Variants in CDH4 observed in about 807,000 individuals in gnomAD.
The protein encoded by CDH4 is cadherin-4.
CDH4 carries 33 observed loss-of-function variants against 86.0 expected under a neutral mutation model. The ratio of observed to expected loss-of-function variants is 0.38; its 90% CI spans 0.29 to 0.51. The LOEUF (loss-of-function observed/expected upper bound fraction) is 0.51, where lower values mean the gene tolerates loss of function less well. Ranked by LOEUF, CDH4 falls within the 20% of genes least tolerant of loss-of-function variation. The probability of loss-of-function intolerance (pLI) is 0.86; values close to 1 mark genes in which losing one functional copy is unlikely to be tolerated. For missense variants in CDH4, 1,114 were observed against 1,307.4 expected (o/e 0.85, Z 2.28); for synonymous variants, 555 against 549.4 (o/e 1.01, Z -0.14).
At chr20:61,904,509 C>A (rs2054766944) in intron 8 of CDH4, among the ~76,000 whole-genome samples, 1 of 151,500 alleles carries the variant, frequency 6.6e-6, no homozygotes. Flanking sequence ...TGCACCGTGT[C>A]CCCCTGGTCT....
At chr20:61,433,219 G>T (rs751279558) in intron 2 of CDH4, among the ~76,000 whole-genome samples, 1 of 152,072 alleles carries the variant, frequency 6.6e-6, no homozygotes, top group Non-Finnish European at 1.5e-5. Context: ...TTTCCGTATG[G>T]TTATCCAATT....
At chr20:61,471,150 A>G (rs1424695862) in intron 2 of CDH4, among the ~76,000 whole-genome samples, 1 of 152,066 alleles carries the variant, frequency 6.6e-6, no homozygotes, top group African/African-American at 2.4e-5. Flanking sequence ...TTCAGCAGTG[A>G]AGCCAGTGGG....
intron 4 of CDH4, among the ~76,000 whole-genome samples, chr20:61,809,538 C>T (rs1980320851): frequency 6.6e-6 from 1 of 152,186 alleles, no homozygotes; most frequent in Admixed American, 6.5e-5. Flanking sequence ...ACATACTCGA[C>T]ACGGGACTAA....
chr20:61,554,409 G>A lies in CDH4; in HGVS notation c.170-189154G>A, dbSNP rs530454767. On this transcript the variant is annotated intron_variant, in intron 2 of 15. Coordinates refer to ENST00000614565, the MANE Select transcript of CDH4 (RefSeq NM_001794.5). ...AGGGCTGCCCTTGAAACATTATGTC[G>A]CCACTGACCAGGACCCAAGAGTCCA... 5.0e-4 allele frequency among the ~76,000 whole-genome samples: 76 copies of A among 152,294 alleles called. 1 individual carries two copies. In the South Asian group the frequency reaches 0.01, roughly 20 times the overall value.
chr20:61,852,896 C>T lies in CDH4; in HGVS notation c.875C>T (p.Pro292Leu), dbSNP rs542841153. The change falls in exon 6 of 16, where the codon CCA (proline) becomes CTA (leucine). Residue 292 changes from proline to leucine, a missense_variant and splice_region_variant. Transcript: ENST00000614565. Reference sequence around the variant, plus strand: ...GGCTCCGTGGACGAGGGCTCCAAGCCAGGTGAGGCCTTTAGCGTTTGCTTG... The same window carrying T: ...GGCTCCGTGGACGAGGGCTCCAAGCTAGGTGAGGCCTTTAGCGTTTGCTTG... Reference protein sequence around the residue: ...YNGSVDEGSKPGTYVMTVTAN... With the variant: ...YNGSVDEGSKLGTYVMTVTAN... 2.5e-5 allele frequency: 41 copies of T among 1,613,782 alleles called. No homozygotes were observed. The South Asian group carries it at 4.2e-4, about 16-fold the overall frequency.
chr20:61,379,430 T>C (rs1568820619), intron 2 of CDH4, among the ~76,000 whole-genome samples: 1 of 152,022 alleles, frequency 6.6e-6, no homozygotes, highest in Admixed American at 6.5e-5. Flanking sequence ...GATGGAATAG[T>C]TAGAGCCGTG....
intron 2 of CDH4, among the ~76,000 whole-genome samples, chr20:61,580,965 G>A (rs139926257): frequency 2.0e-4 from 31 of 152,292 alleles, no homozygotes; most frequent in South Asian, 1.2e-3. Flanking sequence ...AAGAGAGTCC[G>A]TCCTGAAGCA....
intron 14 of CDH4, 51 bp from the exon 15 acceptor site, chr20:61,934,005 G>A (rs1336591741): frequency 6.3e-7 from 1 of 1,597,632 alleles, no homozygotes. Flanking sequence ...GTGGAAGGGG[G>A]GCTGGCGGAT....
intron 2 of CDH4, among the ~76,000 whole-genome samples, chr20:61,633,111 C>T (rs534287412): frequency 2.0e-5 from 3 of 151,156 alleles, no homozygotes; most frequent in South Asian, 2.1e-4. Flanking sequence ...TCCATCCATC[C>T]GTCCATTCAC....
At position 61,873,738 on chromosome 20, in the gene CDH4, G is replaced by A. The variant is rs1192241000; in HGVS notation, c.888G>A (p.Val296=). The A allele has an allele frequency of 2.5e-6, 4 of 1,613,252 alleles. No individual in the cohort carries two copies. The East Asian group carries it at 8.9e-5, about 36-fold the overall frequency. The change falls in exon 7 of 16, where the codon GTG becomes GTA. Residue 296 remains valine (V), a synonymous_variant. Coordinates refer to ENST00000614565, the MANE Select transcript of CDH4 (RefSeq NM_001794.5). ...VDEGSKPGTY[V]MTVTANDADD... ...CTGTCTCCGTTCCAGGCACCTACGT[G>A]ATGACCGTCACGGCCAACGATGCTG... is the stretch of plus-strand genomic sequence containing the variant.
At position 61,323,474 on chromosome 20, in the gene CDH4, C is replaced by A. The variant is rs118119395; in HGVS notation, c.169+68537C>A. On this transcript the variant is annotated intron_variant, in intron 2 of 15. Transcript: ENST00000614565. ...AATCCATGCACAGGAAGAAACAATA[C>A]ACCAAACACAAAATAATGTGTGATG... 5.3e-5 allele frequency among the ~76,000 whole-genome samples: 8 copies of A among 152,318 alleles called. No individual in the cohort carries two copies. In the East Asian group the frequency reaches 1.5e-3, roughly 29 times the overall value.
At chr20:61,800,860 C>T (rs1979792108) in intron 4 of CDH4, among the ~76,000 whole-genome samples, 1 of 152,240 alleles carries the variant, frequency 6.6e-6, no homozygotes, top group African/African-American at 2.4e-5. Context: ...TGGCACTCCA[C>T]ATCCTTAGAG....
Position 61,665,410 on chromosome 20 carries a change from G to A in CDH4, c.170-78153G>A, listed in dbSNP as rs571436583. On this transcript the variant is annotated intron_variant, in intron 2 of 15. Transcript: ENST00000614565. ...TTAAGCGATGCTAAAAACAAAAGCA[G>A]CCTGGATGTGCAACTGTGGGTTGAG... Among the ~76,000 whole-genome samples, 313 of 152,370 alleles carry A rather than the reference G, an allele frequency of 2.1e-3. 3 individuals are homozygous for A. Among genetic ancestry groups the A allele is most frequent in the Non-Finnish European group, 1.7e-3 (116 of 68,036 alleles).
At chr20:61,537,852 C>T (rs62199200) in intron 2 of CDH4, among the ~76,000 whole-genome samples, 7,493 of 152,260 alleles carry the variant, frequency 0.049, 218 homozygotes, top group East Asian at 0.082. Flanking sequence ...GTGACAGAAA[C>T]ATCACAGCGC....
At chr20:61,339,455 G>A (rs531511234) in intron 2 of CDH4, among the ~76,000 whole-genome samples, 7 of 148,232 alleles carry the variant, frequency 4.7e-5, no homozygotes, top group African/African-American at 9.7e-5. Flanking sequence ...GCACATGTGC[G>A]TGCATGTGTG....
At chr20:61,290,756 G>A (rs1370036629) in intron 2 of CDH4, among the ~76,000 whole-genome samples, 4 of 152,206 alleles carry the variant, frequency 2.6e-5, no homozygotes, top group African/African-American at 4.8e-5. Flanking sequence ...TGTGATGTGG[G>A]GGAGAAAGGA....
chr20:61,418,236 A>G (rs561783128), intron 2 of CDH4, among the ~76,000 whole-genome samples: 4 of 143,466 alleles, frequency 2.8e-5, no homozygotes, highest in Non-Finnish European at 6.0e-5. Flanking sequence ...CCTGAGACAG[A>G]GTCTCGCTCT....
chr20:61,512,173 GC>G (rs1005738692), intron 2 of CDH4, among the ~76,000 whole-genome samples: 1 of 152,156 alleles, frequency 6.6e-6, no homozygotes, highest in Non-Finnish European at 1.5e-5. Context: ...TTCCTGGGCT[GC>G]CCGGTGGTTT....
chr20:61,661,088 G>GGGC (rs1555821305), intron 2 of CDH4, among the ~76,000 whole-genome samples: 7 of 144,662 alleles, frequency 4.8e-5, no homozygotes, highest in African/African-American at 1.3e-4. Context: ...GCATGGCGGG[G>GGGC]GGGGGGGAGA....
Sources: allele counts gnomAD v4.1 joint callset (sites outside exome capture counted in the v4.1 genomes callset), GRCh38; gene constraint gnomAD v4.1.1; transcripts MANE v1.5; gene names NCBI Gene and HGNC (gene_info 2026-07-23, HGNC 2026-07-21).